The following TIMM44 variants were observed in gnomAD, a reference collection of about 807,000 sequenced individuals.
TIMM44 encodes translocase of inner mitochondrial membrane 44.
A neutral mutation model predicts 63.8 loss-of-function variants in TIMM44; 37 were observed. That is an observed-to-expected ratio of 0.58 (90% CI 0.45 to 0.76). The LOEUF (loss-of-function observed/expected upper bound fraction) is 0.76, where lower values mean the gene tolerates loss of function less well. Among genes scored for constraint, TIMM44 ranks in the 30% least tolerant of loss-of-function variants. TIMM44 has a pLI of 0.00. For missense variants in TIMM44, 573 were observed against 603.8 expected (o/e 0.95, Z 0.54); for synonymous variants, 239 against 245.1 (o/e 0.98, Z 0.23).
At position 7,934,098 on chromosome 19, in the gene TIMM44, G is replaced by A; in HGVS notation, c.534C>T (p.Ala178=). ...EKLGRTAAFR[A]LSQGVESVKK... ...CCAGGACTGGGCTCACCTGGGAGAGGGCTCTGAAGGCCGCTGTCCTGCCCA... is the reference window on the plus strand; with the variant it reads ...CCAGGACTGGGCTCACCTGGGAGAGAGCTCTGAAGGCCGCTGTCCTGCCCA... Residue 178 remains alanine, a synonymous_variant, in exon 5 of 13, where the codon GCC becomes GCT. Coordinates refer to ENST00000270538, the MANE Select transcript of TIMM44 (RefSeq NM_006351.4). This position sits in a 1 kb window ranked among gnomAD's most constrained non-coding sequence, Gnocchi z 5.3. 5 of 1,613,244 alleles carry A rather than the reference G, an allele frequency of 3.1e-6. No homozygotes were observed. Among genetic ancestry groups the A allele is most frequent in the Non-Finnish European group, 4.2e-6 (5 of 1,179,982 alleles).
At position 7,934,504 on chromosome 19, in the gene TIMM44, G is replaced by A. The variant is rs1984087786; in HGVS notation, c.394-266C>T. ...AGCACACCGGCACCCCCAGAGCCAT[G>A]AGCACACCGCCACGGCTTCCGGGAT... is the stretch of plus-strand genomic sequence containing the variant. On this transcript the variant is annotated intron_variant, in intron 4 of 12. Transcript: ENST00000270538. The surrounding 1 kb of genome is among the most constrained non-coding windows in gnomAD (Gnocchi z 5.3). 1.3e-5 allele frequency among the ~76,000 whole-genome samples: 2 copies of A among 152,038 alleles called. No individual in the cohort carries two copies. Among genetic ancestry groups the A allele is most frequent in the Admixed American group, 1.3e-4 (2 of 15,272 alleles).
chr19:7,934,165 G>A lies in TIMM44; in HGVS notation c.467C>T (p.Ala156Val). Residue 156 changes from alanine (A) to valine (V), a missense_variant, in exon 5 of 13, where the codon GCC (alanine) becomes GTC (valine). By Grantham distance (64) the Ala-to-Val change is moderately conservative. Coordinates refer to ENST00000270538, the MANE Select transcript of TIMM44 (RefSeq NM_006351.4). This position sits in a 1 kb window ranked among gnomAD's most constrained non-coding sequence, Gnocchi z 5.3. ...KEGVEEAAKT[A>V]KQSAESVSKG... is the part of the protein sequence containing the mutation. ...GGATACCGACTCGGCCGACTGCTTG[G>A]CCGTCTTGGCTGCTTCCTCCACGCC... 2 of 1,613,564 alleles carry A rather than the reference G, an allele frequency of 1.2e-6. No individual in the cohort carries two copies.
At chr19:7,929,570 A>G (rs1983919871) in intron 10 of TIMM44, among the ~76,000 whole-genome samples, 1 of 152,144 alleles carries the variant, frequency 6.6e-6, no homozygotes, top group East Asian at 1.9e-4. Context: ...CGGGGCCAGC[A>G]CTGCCCTGGT....
rs1323442897 is a variant in TIMM44 at position 7,926,868 on chromosome 19, G to A, written c.*319C>T. The stretch of plus-strand genomic sequence containing the variant: ...AGCCGCGGGTCCCGGGTCCCACCCT[G>A]CTGTGGGGGGAGTCCCTGGGCCCTG... On this transcript the variant is annotated 3_prime_UTR_variant, in exon 13 of 13. Coordinates refer to ENST00000270538, the MANE Select transcript of TIMM44 (RefSeq NM_006351.4). The A allele has an allele frequency of 5.0e-6, 2 of 399,774 alleles. No individual in the cohort carries two copies. The highest frequency in any genetic ancestry group is 2.4e-5 in the South Asian group (1 of 42,452). 24.8% of individuals were successfully genotyped at this position (399,774 alleles called of 1,614,324 possible).
At chr19:7,941,230 C>G (rs767904140) in intron 1 of TIMM44, 33 bp from the exon 2 acceptor site, 21 of 1,537,028 alleles carry the variant, frequency 1.4e-5, no homozygotes, top group Non-Finnish European at 1.8e-5. Context: ...AAGATCCATT[C>G]TAACAAGAGG....
rs1283440188 is a variant in TIMM44 at position 7,934,050 on chromosome 19, C to T, written c.543+39G>A. On this transcript the variant is annotated intron_variant, in intron 5 of 12. Coordinates refer to ENST00000270538, the MANE Select transcript of TIMM44 (RefSeq NM_006351.4). The surrounding 1 kb of genome is among the most constrained non-coding windows in gnomAD (Gnocchi z 5.3). ...GCTGGGGTGGGTGTCTGGGTTCGGC[C>T]GCCCCAGGCTGCATGCCCTAGCCCA... 3.7e-6 allele frequency: 6 copies of T among 1,613,288 alleles called. No homozygotes were observed. The highest frequency in any genetic ancestry group is 2.2e-5 in the East Asian group (1 of 44,864).
chr19:7,932,117 T>A (rs1279197463), intron 9 of TIMM44, among the ~76,000 whole-genome samples: 3 of 152,108 alleles, frequency 2.0e-5, no homozygotes, highest in Non-Finnish European at 4.4e-5. Context: ...GCCACCAACC[T>A]CAGGGAGAGG....
intron 9 of TIMM44, chr19:7,931,805 CAGGGGGCGGGT>C: frequency 6.2e-6 from 1 of 160,394 alleles, no homozygotes; most frequent in Non-Finnish European, 1.4e-5. Context: ...CTGTGAGCGG[CAGGGGGCGGGT>C]GGCCAGAACA....
chr19:7,940,097 GAGTCACACACCTGTGGTCCC>G (rs1170515475), intron 2 of TIMM44, among the ~76,000 whole-genome samples: 1 of 152,012 alleles, frequency 6.6e-6, no homozygotes. Flanking sequence ...AGGCCCCGTG[GAGTCACACACCTGTGGTCCC>G]AGCTACTCAG....
chr19:7,929,397 C>T (rs1983915118), intron 10 of TIMM44, among the ~76,000 whole-genome samples: 1 of 152,170 alleles, frequency 6.6e-6, no homozygotes, highest in African/African-American at 2.4e-5. Context: ...AGGATCATGT[C>T]GTGAGGACAG....
intron 10 of TIMM44, 22 bp downstream of exon 10, chr19:7,931,110 AAAAAAG>A (rs1568294915): frequency 1.2e-6 from 2 of 1,609,544 alleles, no homozygotes; most frequent in East Asian, 4.5e-5. Context: ...CTTAAAAAAA[AAAAAAG>A]AAAAAGAAAG....
At chr19:7,930,393 C>T (rs976021816) in intron 10 of TIMM44, among the ~76,000 whole-genome samples, 1 of 150,966 alleles carries the variant, frequency 6.6e-6, no homozygotes, top group African/African-American at 2.4e-5. Context: ...ACTGTAACCT[C>T]CACCTCCCGG....
Position 7,933,314 on chromosome 19 carries a change from G to A in TIMM44, c.769+171C>T, listed in dbSNP as rs1257170757. Reference sequence around the variant, plus strand: ...AGGGAGCACCTGGCTTCTGGCGGCAGAATCTACAGCCCCACCATCATGTGA... The same window carrying A: ...AGGGAGCACCTGGCTTCTGGCGGCAAAATCTACAGCCCCACCATCATGTGA... On this transcript the variant is annotated intron_variant, in intron 7 of 12. Transcript: ENST00000270538. The surrounding 1 kb of genome is among the most constrained non-coding windows in gnomAD (Gnocchi z 4.3). Among the ~76,000 whole-genome samples, 1 of 152,152 alleles carries A rather than the reference G, an allele frequency of 6.6e-6. No individual in the cohort carries two copies. Among genetic ancestry groups the A allele is most frequent in the Non-Finnish European group, 1.5e-5 (1 of 68,016 alleles).
intron 10 of TIMM44, 99 bp downstream of exon 10, chr19:7,931,039 T>A: frequency 8.9e-7 from 1 of 1,125,986 alleles, no homozygotes; most frequent in Admixed American, 2.1e-5. Context: ...AGGTCCTGCC[T>A]GTTGGGAGCT....
At chr19:7,931,249 G>A (rs915532787) in intron 9 of TIMM44, 61 bp from the exon 10 acceptor site, 4 of 1,495,304 alleles carry the variant, frequency 2.7e-6, no homozygotes, top group Non-Finnish European at 2.8e-6. Context: ...AGCAGGCGAG[G>A]TCCTGGGAAC....
In TIMM44 at chr19:7,927,234, A is replaced by G; in HGVS notation, c.1312T>C (p.Trp438Arg). The change falls in exon 13 of 13, where the codon TGG (tryptophan) becomes CGG (arginine). Residue 438 changes from tryptophan (W) to arginine (R), a missense_variant. Trp to Arg is a moderately radical substitution (Grantham distance 101, BLOSUM62 -3). Coordinates refer to ENST00000270538, the MANE Select transcript of TIMM44 (RefSeq NM_006351.4). The part of the protein sequence containing the change: ...DQDELNPYAA[W>R]RLLDISASST... Reference sequence around the variant, plus strand: ...GAGGCCGAGATGTCCAGGAGCCGCCAGGCCGCGTAGGGGTTGAGCTCGTCC... The same window carrying G: ...GAGGCCGAGATGTCCAGGAGCCGCCGGGCCGCGTAGGGGTTGAGCTCGTCC... 6.2e-7 allele frequency: 1 copy of G among 1,612,286 alleles called. No individual in the cohort carries two copies.
At chr19:7,940,146 T>A (rs1984266103) in intron 2 of TIMM44, among the ~76,000 whole-genome samples, 1 of 149,504 alleles carries the variant, frequency 6.7e-6, no homozygotes, top group Non-Finnish European at 1.5e-5. Flanking sequence ...GGTGGGAGGA[T>A]CGCTTAAGCC....
intron 2 of TIMM44, among the ~76,000 whole-genome samples, chr19:7,939,785 G>A (rs1333478017): frequency 6.6e-6 from 1 of 151,932 alleles, no homozygotes; most frequent in African/African-American, 2.4e-5. Flanking sequence ...GTGTGGCGGC[G>A]CCTGCCTGTA....
chr19:7,929,870 A>G (rs1050844057), intron 10 of TIMM44, among the ~76,000 whole-genome samples: 4 of 152,088 alleles, frequency 2.6e-5, no homozygotes, highest in African/African-American at 9.7e-5. Context: ...TTTTTTTTTA[A>G]GACAGTCTCG....
Sources: allele counts gnomAD v4.1 joint callset (sites outside exome capture counted in the v4.1 genomes callset), GRCh38; gene constraint gnomAD v4.1.1; non-coding constraint Gnocchi (gnomAD v3.1); transcripts MANE v1.5; gene names NCBI Gene and HGNC (gene_info 2026-07-23, HGNC 2026-07-21).